Variants in UGDH observed in about 807,000 individuals in gnomAD.
The protein encoded by UGDH is UDP-Glc dehydrogenase.
Under a neutral mutation model 50.6 loss-of-function variants are expected in UGDH, and 38 were observed. The ratio of observed to expected loss-of-function variants is 0.75; its 90% CI spans 0.58 to 0.98. The LOEUF is 0.98. Among genes scored for constraint, UGDH ranks in the 50% least tolerant of loss-of-function variants. UGDH has a pLI of 0.00. For synonymous variants in UGDH, 168 were observed against 199.9 expected (o/e 0.84, Z 1.35); for missense variants, 465 against 606.2 (o/e 0.77, Z 2.45).
In UGDH at chr4:39,521,079, A is replaced by G. The variant is rs1329782150; in HGVS notation, c.162+272T>C. Among the ~76,000 whole-genome samples the G allele has an allele frequency of 4.1e-3, 625 of 151,634 alleles. 4 individuals are homozygous for G. The highest frequency in any genetic ancestry group is 0.014 in the African/African-American group (599 of 41,404). ...AGGAAGACTCCGTCTCAAAAAAAAA[A>G]AAAAAAAAAAAGAAAACAGGAAAGA... On this transcript the variant is annotated intron_variant, in intron 2 of 11. Transcript: ENST00000316423.
chr4:39,523,601 T>G (rs1291230143), intron 1 of UGDH, among the ~76,000 whole-genome samples: 2 of 151,974 alleles, frequency 1.3e-5, no homozygotes, highest in African/African-American at 4.8e-5. Context: ...GGTCAGGAGT[T>G]CAAGACCAGC....
chr4:39,522,822 A>G (rs902660812), intron 1 of UGDH, among the ~76,000 whole-genome samples: 2 of 150,536 alleles, frequency 1.3e-5, no homozygotes, highest in Non-Finnish European at 3.0e-5. Context: ...CTAGAGTACA[A>G]TGTGACCTCG....
rs147584374 is a variant in UGDH at position 39,521,381 on chromosome 4, C to A, written c.132G>T (p.Ala44=). ...AAATAGGAAGTGTAGGAGAATTCCA[C>A]GCATTGATTCTTGATTCATTGACAT... ...VVDVNESRIN[A]WNSPTLPIYE... is the part of the protein sequence containing the mutation. Residue 44 remains alanine, a synonymous_variant, in exon 2 of 12, where the codon GCG becomes GCT. Coordinates refer to ENST00000316423, the MANE Select transcript of UGDH (RefSeq NM_003359.4). 2.9e-4 allele frequency: 465 copies of A among 1,610,190 alleles called. 1 individual carries two copies. The highest frequency in any genetic ancestry group is 3.3e-4 in the Non-Finnish European group (390 of 1,178,450).
intron 2 of UGDH, 93 bp downstream of exon 2, chr4:39,521,258 G>C: frequency 7.9e-7 from 1 of 1,266,988 alleles, no homozygotes; most frequent in Admixed American, 2.8e-5. Context: ...ACCAGTTGCT[G>C]TTATAGATTT....
chr4:39,508,536 A>C, intron 7 of UGDH, 30 bp downstream of exon 7: 1 of 1,601,040 alleles, frequency 6.2e-7, no homozygotes, highest in South Asian at 1.1e-5. Context: ...GCCTGGCTAA[A>C]CAGAAATTAT....
At chr4:39,513,962 G>T (rs911571986) in intron 3 of UGDH, 121 bp downstream of exon 3, 3 of 766,862 alleles carry the variant, frequency 3.9e-6, no homozygotes, top group East Asian at 3.0e-5. Context: ...AAAATTCACC[G>T]GACAACTCTA....
chr4:39,517,533 A>C (rs1278697922), intron 2 of UGDH, among the ~76,000 whole-genome samples: 1 of 152,170 alleles, frequency 6.6e-6, no homozygotes, highest in Non-Finnish European at 1.5e-5. Flanking sequence ...TTAAAGAACA[A>C]AGTTTAAAAA....
At chr4:39,510,149 A>T (rs2109928621) in intron 5 of UGDH, among the ~76,000 whole-genome samples, 1 of 152,082 alleles carries the variant, frequency 6.6e-6, no homozygotes, top group East Asian at 1.9e-4. Flanking sequence ...CTATTTTAAG[A>T]TTTCAGAATT....
intron 3 of UGDH, among the ~76,000 whole-genome samples, chr4:39,512,507 G>A (rs1029104653): frequency 2.6e-5 from 4 of 152,178 alleles, no homozygotes; most frequent in Admixed American, 2.6e-4. Context: ...CCTGGTAAAG[G>A]AGCTTTGAAA....
chr4:39,526,890 C>A (rs1465681717), intron 1 of UGDH, among the ~76,000 whole-genome samples: 1 of 152,126 alleles, frequency 6.6e-6, no homozygotes, highest in Non-Finnish European at 1.5e-5. Context: ...GGTGAGCAGA[C>A]TCTTAAACAC....
intron 3 of UGDH, among the ~76,000 whole-genome samples, chr4:39,513,743 G>A (rs1746336698): frequency 1.3e-5 from 2 of 149,706 alleles, no homozygotes; most frequent in South Asian, 4.3e-4. Context: ...CACCATGTTG[G>A]CCAGGATGGT....
At position 39,510,507 on chromosome 4, in the gene UGDH, T is replaced by C. The variant is rs908289507; in HGVS notation, c.509A>G (p.Lys170Arg). ...TACTCTGTCTGGGTTCTTTAGGTCC[T>C]TGATGGCTGTTCCCTCTGCCAGAAA... ...PEFLAEGTAI[K>R]DLKNPDRVLI... is the part of the protein sequence containing the mutation. The change falls in exon 5 of 12, where the codon AAG (lysine) becomes AGG (arginine). Residue 170 changes from lysine (K) to arginine (R), a missense_variant. Physicochemically the swap from Lys to Arg is conservative, Grantham distance 26. Transcript: ENST00000316423. 12 of 1,614,194 alleles carry C rather than the reference T, an allele frequency of 7.4e-6. No individual in the cohort carries two copies. The highest frequency in any genetic ancestry group is 1.0e-5 in the Non-Finnish European group (12 of 1,180,028).
intron 2 of UGDH, among the ~76,000 whole-genome samples, chr4:39,515,901 T>C (rs1312560155): frequency 1.3e-5 from 2 of 152,110 alleles, no homozygotes; most frequent in Non-Finnish European, 2.9e-5. Context: ...GGTTTTTCCA[T>C]GTTGGCCAGG....
chr4:39,526,443 T>A (rs1299063662), intron 1 of UGDH: 1 of 152,238 alleles, frequency 6.6e-6, no homozygotes, highest in African/African-American at 2.4e-5. Context: ...AGCTCTTTCA[T>A]TTCCAGAACC....
intron 7 of UGDH, among the ~76,000 whole-genome samples, chr4:39,507,705 T>C (rs1746080887): frequency 6.6e-6 from 1 of 151,954 alleles, no homozygotes; most frequent in Non-Finnish European, 1.5e-5. Context: ...TCCCAGCACT[T>C]TGGGAGGCAA....
chr4:39,500,653 CTTTTTT>C (rs11284301), intron 11 of UGDH, among the ~76,000 whole-genome samples: 1 of 135,232 alleles, frequency 7.4e-6, no homozygotes, highest in African/African-American at 2.7e-5. Flanking sequence ...GCATAATTCT[CTTTTTT>C]TTTTTTTTTT....
chr4:39,504,311 AAAAAAAAC>A (rs1241671490), intron 10 of UGDH, 98 bp downstream of exon 10: 81 of 1,075,894 alleles, frequency 7.5e-5, no homozygotes, highest in South Asian at 3.6e-4. Context: ...CCATCTCAAA[AAAAAAAAC>A]AAAAAAACAA....
At chr4:39,501,847 A>C (rs1239272136) in intron 11 of UGDH, among the ~76,000 whole-genome samples, 2 of 152,224 alleles carry the variant, frequency 1.3e-5, no homozygotes, top group African/African-American at 4.8e-5. Context: ...CTTATCATTA[A>C]AAACACTACT....
chr4:39,506,369 G>A (rs550981985), intron 7 of UGDH, among the ~76,000 whole-genome samples: 4 of 152,170 alleles, frequency 2.6e-5, no homozygotes, highest in South Asian at 4.1e-4. Context: ...GTTCAGCTAT[G>A]AGACCAACCT....
Sources: gnomAD v4.1 joint callset for allele counts (sites outside exome capture counted in the v4.1 genomes callset) on GRCh38, gnomAD v4.1.1 for gene constraint, MANE v1.5 for transcripts, NCBI Gene and HGNC (gene_info 2026-07-23, HGNC 2026-07-21) for gene names.